SSBP3: variants seen among roughly 807,000 people sequenced by gnomAD.
SSBP3 encodes single-stranded DNA-binding protein 3.
In SSBP3, 5 loss-of-function variants were observed where a neutral mutation model predicts 69.6. The ratio of observed to expected loss-of-function variants is 0.07; its 90% confidence interval spans 0.04 to 0.15. The LOEUF is 0.15. Among genes scored for constraint, SSBP3 ranks in the 10% least tolerant of loss-of-function variants. The pLI is 1.00. For synonymous variants in SSBP3, 196 were observed against 193.4 expected (o/e 1.01, Z -0.11); for missense variants, 312 against 534.0 (o/e 0.58, Z 4.10).
chr1:54,238,944 C>T (rs1644553159), intron 14 of SSBP3, 185 bp downstream of exon 14: 2 of 424,444 alleles, frequency 4.7e-6, no homozygotes, highest in East Asian at 6.3e-5. Flanking sequence ...TCCTCTCCCA[C>T]CCCCTGCCGC....
At chr1:54,273,924 A>G (rs1359376752) in intron 5 of SSBP3, among the ~76,000 whole-genome samples, 1 of 152,220 alleles carries the variant, frequency 6.6e-6, no homozygotes, top group Non-Finnish European at 1.5e-5. Flanking sequence ...CCTGGAGCCC[A>G]GCAGTTGGGG....
At chr1:54,268,124 T>TA (rs1238802931) in intron 5 of SSBP3, among the ~76,000 whole-genome samples, 2 of 152,160 alleles carry the variant, frequency 1.3e-5, no homozygotes, top group Non-Finnish European at 2.9e-5. Flanking sequence ...TGACCTCTAC[T>TA]GGTGCAGGAG....
At chr1:54,325,787 C>CGCT (rs1240116004) in intron 4 of SSBP3, among the ~76,000 whole-genome samples, 2 of 152,134 alleles carry the variant, frequency 1.3e-5, no homozygotes, top group East Asian at 3.8e-4. Context: ...TCATTAGAGG[C>CGCT]GCTACTGTTT....
chr1:54,344,171 A>AG (rs1233554475), intron 4 of SSBP3, among the ~76,000 whole-genome samples: 1 of 152,026 alleles, frequency 6.6e-6, no homozygotes, highest in South Asian at 2.1e-4. Flanking sequence ...AGAAACGTTG[A>AG]GGAAAAAAAA....
At chr1:54,265,946 G>A (rs74388315) in intron 5 of SSBP3, among the ~76,000 whole-genome samples, 189 of 152,358 alleles carry the variant, frequency 1.2e-3, no homozygotes, top group African/African-American at 3.8e-3. Context: ...AACAGGGGGC[G>A]CTCAGTGAAG....
At chr1:54,369,228 G>C (rs1647083003) in intron 4 of SSBP3, among the ~76,000 whole-genome samples, 2 of 140,564 alleles carry the variant, frequency 1.4e-5, no homozygotes, top group Admixed American at 7.2e-5. Flanking sequence ...CGGGGGGGGG[G>C]CCCAAGCCAG....
intron 4 of SSBP3, among the ~76,000 whole-genome samples, chr1:54,282,661 C>G (rs1645418448): frequency 6.6e-6 from 1 of 152,208 alleles, no homozygotes; most frequent in South Asian, 2.1e-4. Flanking sequence ...GCTGAGACAT[C>G]TGGGCCCCAG....
At chr1:54,383,652 A>C (rs1460916784) in intron 4 of SSBP3, among the ~76,000 whole-genome samples, 1 of 152,166 alleles carries the variant, frequency 6.6e-6, no homozygotes, top group Admixed American at 6.5e-5. Flanking sequence ...GGTGTTCAAT[A>C]ATAAAATATT....
Position 54,310,283 on chromosome 1 carries a change from G to A in SSBP3, c.277-28756C>T, listed in dbSNP as rs531468236. ...GCCAGGCTTTCTTCTCTCTCCCCAGGGGCCGCAGGCTCCGTCACTACCTAG... is the reference window on the plus strand; with the variant it reads ...GCCAGGCTTTCTTCTCTCTCCCCAGAGGCCGCAGGCTCCGTCACTACCTAG... On this transcript the variant is annotated intron_variant, in intron 4 of 17. Coordinates refer to ENST00000610401, the Ensembl canonical transcript of SSBP3. 1.1e-4 allele frequency among the ~76,000 whole-genome samples: 17 copies of A among 152,220 alleles called. No homozygotes were observed. The South Asian group carries it at 3.5e-3, about 32-fold the overall frequency.
chr1:54,294,212 C>G (rs1412745477), intron 4 of SSBP3, among the ~76,000 whole-genome samples: 1 of 148,550 alleles, frequency 6.7e-6, no homozygotes, highest in African/African-American at 2.5e-5. Context: ...AGAAATCCTG[C>G]TTTTCAAGAG....
At chr1:54,370,491 T>G (rs947182955) in intron 4 of SSBP3, among the ~76,000 whole-genome samples, 4 of 152,152 alleles carry the variant, frequency 2.6e-5, no homozygotes, top group African/African-American at 7.2e-5. Flanking sequence ...TGCCAAGCAT[T>G]TACCATCTGT....
intron 4 of SSBP3, 94 bp from the exon 5 acceptor site, chr1:54,281,621 C>T: frequency 8.5e-7 from 1 of 1,178,070 alleles, no homozygotes; most frequent in Admixed American, 2.0e-5. Context: ...TGTCCGTCCA[C>T]ATTCCCCGTG....
At chr1:54,237,874 T>C in intron 14 of SSBP3, 1 of 336,596 alleles carries the variant, frequency 3.0e-6, no homozygotes, top group Non-Finnish European at 5.9e-6. Context: ...CCATGGTGAA[T>C]CACAAGTCCT....
intron 4 of SSBP3, chr1:54,286,333 A>G (rs1282149298): frequency 6.6e-6 from 1 of 152,248 alleles, no homozygotes; most frequent in East Asian, 1.9e-4. Context: ...ATTCTTTTCT[A>G]AACAGCAAAC....
chr1:54,350,437 A>C (rs1646763497), intron 4 of SSBP3, among the ~76,000 whole-genome samples: 1 of 152,242 alleles, frequency 6.6e-6, no homozygotes, highest in South Asian at 2.1e-4. Context: ...AGCCCTGCAA[A>C]GCAGAAGTAG....
At chr1:54,374,674 C>G (rs1323046475) in intron 4 of SSBP3, among the ~76,000 whole-genome samples, 1 of 152,152 alleles carries the variant, frequency 6.6e-6, no homozygotes, top group Non-Finnish European at 1.5e-5. Context: ...CCTCCATCCC[C>G]CACCCCACCT....
chr1:54,316,131 T>C (rs1442133604), intron 4 of SSBP3, among the ~76,000 whole-genome samples: 5 of 149,774 alleles, frequency 3.3e-5, no homozygotes, highest in Non-Finnish European at 7.4e-5. Context: ...GATCACAAGG[T>C]CAGAAGATCA....
rs766174148 is a variant in SSBP3 at position 54,361,664 on chromosome 1, G to A, written c.276+40197C>T. Among the ~76,000 whole-genome samples, 5 of 151,964 alleles carry A rather than the reference G, an allele frequency of 3.3e-5. 1 individual carries two copies. Among genetic ancestry groups the A allele is most frequent in the South Asian group, 4.2e-4 (2 of 4,816 alleles). ...TATCCCCTTGCGCTCCCCAAAGCCC[G>A]GCAGCGAGCTGAACAAGCAAGGCCA... On this transcript the variant is annotated intron_variant, in intron 4 of 17. Transcript: ENST00000610401.
intron 4 of SSBP3, among the ~76,000 whole-genome samples, chr1:54,288,962 G>A (rs1645544437): frequency 6.9e-6 from 1 of 144,370 alleles, no homozygotes; most frequent in Admixed American, 7.3e-5. Context: ...GGAGCTTGCA[G>A]TGAGCCGAGA....
Sources: gnomAD v4.1 joint callset for allele counts (sites outside exome capture counted in the v4.1 genomes callset) on GRCh38, gnomAD v4.1.1 for gene constraint, MANE v1.5 for transcripts, NCBI Gene and HGNC (gene_info 2026-07-23, HGNC 2026-07-21) for gene names.